Variants in ZNF234 observed in about 807,000 individuals in gnomAD.
ZNF234 encodes the protein zinc finger protein 234.
In ZNF234, 4 loss-of-function variants were observed where a neutral mutation model predicts 10.3. The ratio of observed to expected loss-of-function variants is 0.39; its 90% CI spans 0.19 to 0.89. The LOEUF is 0.89. Among genes scored for constraint, ZNF234 ranks in the 40% least tolerant of loss-of-function variants. The probability of loss-of-function intolerance (pLI) is 0.38; values close to 1 mark genes in which losing one functional copy is unlikely to be tolerated. For missense variants in ZNF234, 711 were observed against 836.1 expected (o/e 0.85, Z 1.85); for synonymous variants, 258 against 280.1 (o/e 0.92, Z 0.79).
chr19:44,148,751 A>C lies in ZNF234; in HGVS notation c.16-20A>C, dbSNP rs1321002153. ...AGAGTTTGTTAAAAAGGCTGAAGTA[A>C]GGTGTGTTTGATGTTATAGGAGGGA... On this transcript the variant is annotated intron_variant, in intron 3 of 5. Coordinates refer to ENST00000426739, the MANE Select transcript of ZNF234 (RefSeq NM_006630.3). The C allele has an allele frequency of 6.2e-7, 1 of 1,612,708 alleles. No homozygotes were observed. The highest frequency in any genetic ancestry group is 1.7e-5 in the Admixed American group (1 of 59,978).
intron 5 of ZNF234, among the ~76,000 whole-genome samples, chr19:44,151,696 G>A (rs972756290): frequency 2.0e-4 from 31 of 152,178 alleles, no homozygotes; most frequent in African/African-American, 7.2e-4. Flanking sequence ...TTATCAGTGT[G>A]TAGGGGCTGC....
chr19:44,143,770 C>T (rs947819442), intron 2 of ZNF234, among the ~76,000 whole-genome samples: 4 of 152,158 alleles, frequency 2.6e-5, no homozygotes, highest in African/African-American at 9.7e-5. Flanking sequence ...CAAGATTGCA[C>T]CACTGCTCTC....
chr19:44,151,487 G>A (rs1234318385), intron 5 of ZNF234, among the ~76,000 whole-genome samples: 1 of 152,200 alleles, frequency 6.6e-6, no homozygotes, highest in Non-Finnish European at 1.5e-5. Context: ...ATGAGCCACT[G>A]TGCCCGACCT....
intron 5 of ZNF234, among the ~76,000 whole-genome samples, chr19:44,153,165 C>CATATATATATATATATGT (rs374033435): frequency 1.0e-5 from 1 of 97,890 alleles, no homozygotes; most frequent in Non-Finnish European, 2.0e-5. Context: ...ATGTATTCAT[C>CATATATATATATATATGT]ATATATATAT....
At chr19:44,144,858 G>A (rs951554204) in intron 3 of ZNF234, among the ~76,000 whole-genome samples, 5 of 152,100 alleles carry the variant, frequency 3.3e-5, no homozygotes, top group African/African-American at 9.7e-5. Flanking sequence ...GGGGTTTTGC[G>A]TCTTTGAATT....
At position 44,158,189 on chromosome 19, in the gene ZNF234, T is replaced by G. The variant is rs1186089386; in HGVS notation, c.*70T>G. On this transcript the variant is annotated 3_prime_UTR_variant, in exon 6 of 6. Transcript: ENST00000426739. ...AATTAGATTTCATAGGAGGGAAAAA[T>G]TTTCTTTATCAACCTCTTTGAATTT... 2 of 1,504,476 alleles carry G rather than the reference T, an allele frequency of 1.3e-6. No individual in the cohort carries two copies. The highest frequency in any genetic ancestry group is 1.8e-6 in the Non-Finnish European group (2 of 1,093,476). The allele number at this position is 1,504,476 out of a possible 1,614,324, so 93.2% of individuals were successfully genotyped here.
chr19:44,151,651 G>C (rs186221697), intron 5 of ZNF234, among the ~76,000 whole-genome samples: 1 of 152,144 alleles, frequency 6.6e-6, no homozygotes, highest in Admixed American at 6.5e-5. Flanking sequence ...GTTTCTTCCC[G>C]GAGGCTCTAG....
At position 44,144,611 on chromosome 19, in the gene ZNF234, A is replaced by T. The variant is rs777179854; in HGVS notation, c.-22A>T. 6.4e-7 allele frequency: 1 copy of T among 1,567,852 alleles called. No homozygotes were observed. Among genetic ancestry groups the T allele is most frequent in the Non-Finnish European group, 8.7e-7 (1 of 1,153,252 alleles). On this transcript the variant is annotated 5_prime_UTR_variant, in exon 3 of 6. Transcript: ENST00000426739. ...AATGGCATAACTCAGGACTCTGCAA[A>T]TTCCCAGAAACAGGAGGAAAAATGA...
In ZNF234 at chr19:44,150,503, C is replaced by T. The variant is rs1968714034; in HGVS notation, c.233C>T (p.Ser78Leu). 6.3e-7 allele frequency: 1 copy of T among 1,575,996 alleles called. No homozygotes were observed. The highest frequency in any genetic ancestry group is 8.6e-7 in the Non-Finnish European group (1 of 1,160,184). Residue 78 changes from serine (S) to leucine (L), a missense_variant and splice_region_variant, in exon 5 of 6, where the codon TCA becomes TTA. Ser to Leu is a moderately radical substitution (Grantham distance 145). Transcript: ENST00000426739. ...ACAGCAACTCAAAGAAAAGGGAAAT[C>T]AGGTAAGAACCAAGCAGCTAAGAGT... ...MKTATQRKGK[S>L]ADKIQSEVET...
Position 44,142,371 on chromosome 19 carries a change from A to AGT in ZNF234, c.-77+8_-77+9dup, listed in dbSNP as rs1968485713. 6.6e-6 allele frequency: 1 copy of AGT among 152,522 alleles called. No individual in the cohort carries two copies. Among genetic ancestry groups the AGT allele is most frequent in the African/African-American group, 2.4e-5 (1 of 41,454 alleles). 9.4% of individuals were successfully genotyped at this position (152,522 alleles called of 1,614,324 possible). On this transcript the variant is annotated splice_donor_region_variant and intron_variant, in intron 2 of 5. Transcript: ENST00000426739. ...GCTACTGAAAGCAAAGCTCCACGTG[A>AGT]GTGTGACTTGTCATTTTTCTTTTAC...
chr19:44,148,492 C>T (rs1160946955), intron 3 of ZNF234, among the ~76,000 whole-genome samples: 1 of 152,138 alleles, frequency 6.6e-6, no homozygotes, highest in Non-Finnish European at 1.5e-5. Flanking sequence ...ACCCGTGTGG[C>T]TCAGGATGCG....
intron 5 of ZNF234, among the ~76,000 whole-genome samples, chr19:44,151,893 C>T (rs1248889575): frequency 2.6e-5 from 4 of 152,186 alleles, no homozygotes; most frequent in Non-Finnish European, 5.9e-5. Flanking sequence ...TGATTTGCAA[C>T]CTTAATTCCC....
In ZNF234 at chr19:44,159,715, C is replaced by T. The variant is rs1968991581; in HGVS notation, c.*1596C>T. 2.6e-5 allele frequency: 11 copies of T among 415,110 alleles called. No homozygotes were observed. Among genetic ancestry groups the T allele is most frequent in the South Asian group, 8.2e-5 (5 of 61,108 alleles). The allele number at this position is 415,110 out of a possible 1,614,324, so 25.7% of individuals were successfully genotyped here. ...TCCATCCAGACTTTGACATGATTGC[C>T]GTCTAATAACTGTAGCATTCTCTTA... On this transcript the variant is annotated 3_prime_UTR_variant, in exon 6 of 6. Transcript: ENST00000426739.
chr19:44,147,579 C>T lies in ZNF234; in HGVS notation c.16-1192C>T, dbSNP rs553345276. Among the ~76,000 whole-genome samples the T allele has an allele frequency of 1.4e-4, 21 of 151,256 alleles. 1 individual carries two copies. Among genetic ancestry groups the T allele is most frequent in the East Asian group, 1.0e-3 (5 of 4,980 alleles). ...ACACACGAAGGTAAGATCTGACAGT[C>T]GGGTGACTCATGCCTGTAATCCCAG... is the stretch of plus-strand genomic sequence containing the variant. On this transcript the variant is annotated intron_variant, in intron 3 of 5. Transcript: ENST00000426739.
In ZNF234 at chr19:44,151,018, C is replaced by T. The variant is rs572433935; in HGVS notation, c.235+513C>T. Among the ~76,000 whole-genome samples, 7 of 144,412 alleles carry T rather than the reference C, an allele frequency of 4.8e-5. No individual in the cohort carries two copies. In the South Asian group the frequency reaches 6.9e-4, roughly 14 times the overall value. The allele number at this position is 144,412 out of a possible 152,430, so 94.7% of individuals were successfully genotyped here. A position where few individuals can be genotyped will look rare whatever the true frequency, so the allele number is the denominator to read the frequency against. ...CTACACTCCAGCCTGGGCAACAGAG[C>T]GACACTCCATCTTAAAAAAAAAAAA... On this transcript the variant is annotated intron_variant, in intron 5 of 5. Transcript: ENST00000426739.
intron 5 of ZNF234, among the ~76,000 whole-genome samples, chr19:44,152,307 T>G (rs1301140195): frequency 6.6e-6 from 1 of 152,224 alleles, no homozygotes; most frequent in African/African-American, 2.4e-5. Context: ...TAAATAGTCC[T>G]GTTACATGGC....
chr19:44,144,056 AC>A (rs1968532454), intron 2 of ZNF234, among the ~76,000 whole-genome samples: 1 of 152,198 alleles, frequency 6.6e-6, no homozygotes, highest in Admixed American at 6.5e-5. Context: ...TTTCAAGTGT[AC>A]AATTCAGTAA....
At position 44,158,181 on chromosome 19, in the gene ZNF234, G is replaced by C. The variant is rs749425231; in HGVS notation, c.*62G>C. On this transcript the variant is annotated 3_prime_UTR_variant, in exon 6 of 6. Transcript: ENST00000426739. ...ATGCTTGTAATTAGATTTCATAGGAGGGAAAAATTTTCTTTATCAACCTCT... is the reference window on the plus strand; with the variant it reads ...ATGCTTGTAATTAGATTTCATAGGACGGAAAAATTTTCTTTATCAACCTCT... 161 of 1,555,646 alleles carry C rather than the reference G, an allele frequency of 1.0e-4. No individual in the cohort carries two copies. Among genetic ancestry groups the C allele is most frequent in the Non-Finnish European group, 1.3e-4 (151 of 1,140,126 alleles).
Position 44,156,261 on chromosome 19 carries a change from T to G in ZNF234, c.245T>G (p.Ile82Ser). 4 of 1,548,250 alleles carry G rather than the reference T, an allele frequency of 2.6e-6. No homozygotes were observed. The highest frequency in any genetic ancestry group is 3.5e-4 in the Middle Eastern group (2 of 5,710). The change falls in exon 6 of 6, where the codon ATC (isoleucine) becomes AGC (serine). Residue 82 changes from isoleucine to serine, a missense_variant. By Grantham distance (142) the Ile-to-Ser change is moderately radical. Transcript: ENST00000426739. ...TTCTCTGTCCTTACAGCAGACAAGA[T>G]CCAAAGTGAGGTGGAGACTGTTCCA... Reference protein sequence around the residue: ...TQRKGKSADKIQSEVETVPEA... With the variant: ...TQRKGKSADKSQSEVETVPEA...
Sources: gnomAD v4.1 joint callset for allele counts (sites outside exome capture counted in the v4.1 genomes callset) on GRCh38, gnomAD v4.1.1 for gene constraint, MANE v1.5 for transcripts, NCBI Gene and HGNC (gene_info 2026-07-23, HGNC 2026-07-21) for gene names.